Variants in CNTN5 observed in about 807,000 individuals in gnomAD.
The protein encoded by CNTN5 is contactin 5, also known as contactin-5.
In CNTN5, 77 loss-of-function variants were observed where a neutral mutation model predicts 129.1. The ratio of observed to expected loss-of-function variants is 0.60; its 90% CI spans 0.50 to 0.72. The LOEUF (loss-of-function observed/expected upper bound fraction) is 0.72. Among genes scored for constraint, CNTN5 ranks in the 30% least tolerant of loss-of-function variants. CNTN5 has a pLI of 0.00. For synonymous variants in CNTN5, 509 were observed against 465.6 expected (o/e 1.09, Z -1.20); for missense variants, 1,478 against 1,328.8 (o/e 1.11, Z -1.75).
chr11:99,052,960 A>G (rs1864484858), intron 1 of CNTN5, among the ~76,000 whole-genome samples: 1 of 151,518 alleles, frequency 6.6e-6, no homozygotes, highest in Non-Finnish European at 1.5e-5. Flanking sequence ...TTAAAATTTG[A>G]CTCTAGTACA....
chr11:99,925,748 T>A (rs1410408801), intron 7 of CNTN5, among the ~76,000 whole-genome samples: 2 of 152,014 alleles, frequency 1.3e-5, no homozygotes, highest in Non-Finnish European at 2.9e-5. Context: ...TCTAAATACT[T>A]CTTCTTCAAC....
intron 1 of CNTN5, among the ~76,000 whole-genome samples, chr11:99,240,906 C>T (rs7951783): frequency 0.015 from 2,240 of 152,128 alleles, 61 homozygotes; most frequent in African/African-American, 0.051. Context: ...TTTTAACATG[C>T]GTCACTACTG....
intron 3 of CNTN5, among the ~76,000 whole-genome samples, chr11:99,756,249 A>G (rs1189269111): frequency 1.3e-5 from 2 of 152,134 alleles, no homozygotes; most frequent in Non-Finnish European, 1.5e-5. Flanking sequence ...TAGCCTGGGA[A>G]ATAAAGATTG....
chr11:99,209,831 T>A (rs542673012), intron 1 of CNTN5, among the ~76,000 whole-genome samples: 12 of 152,148 alleles, frequency 7.9e-5, no homozygotes, highest in Non-Finnish European at 1.5e-4. Context: ...AACTTCGGAC[T>A]TAGTGCTTCC....
At chr11:99,059,808 G>A (rs1321966006) in intron 1 of CNTN5, among the ~76,000 whole-genome samples, 1 of 151,924 alleles carries the variant, frequency 6.6e-6, no homozygotes, top group Non-Finnish European at 1.5e-5. Context: ...ATATCCCCAA[G>A]GTTTCTTTTG....
rs560309156 is a variant in CNTN5, at chr11:100,329,850, C to T, written c.2731-10613C>T. Among the ~76,000 whole-genome samples the T allele has an allele frequency of 8.0e-4, 122 of 152,270 alleles. No homozygotes were observed. The South Asian group carries it at 0.025, about 31-fold the overall frequency. On this transcript the variant is annotated intron_variant, in intron 21 of 24. Coordinates refer to ENST00000524871, the MANE Select transcript of CNTN5 (RefSeq NM_014361.4). ...GCAACGCTTTAATCCCAGATCTTCC[C>T]TCTAACATAGTCTACCCAAATGAGA... is the stretch of plus-strand genomic sequence containing the variant.
chr11:99,075,677 G>A (rs1431091278), intron 1 of CNTN5, among the ~76,000 whole-genome samples: 3 of 151,484 alleles, frequency 2.0e-5, no homozygotes, highest in Admixed American at 6.6e-5. Flanking sequence ...ATTTAATGTC[G>A]ACTGACAACT....
At chr11:99,112,524 AT>A (rs1420068457) in intron 1 of CNTN5, among the ~76,000 whole-genome samples, 5 of 152,066 alleles carry the variant, frequency 3.3e-5, no homozygotes, top group Non-Finnish European at 7.4e-5. Context: ...TAGATTGTGA[AT>A]GCACACGTTT....
chr11:99,261,317 C>T (rs1862617566), intron 1 of CNTN5, among the ~76,000 whole-genome samples: 1 of 151,922 alleles, frequency 6.6e-6, no homozygotes. Context: ...ACAATATCTT[C>T]ATAAGGGCAA....
chr11:99,749,203 T>TA (rs1365897626), intron 3 of CNTN5, among the ~76,000 whole-genome samples: 1 of 151,842 alleles, frequency 6.6e-6, no homozygotes, highest in Non-Finnish European at 1.5e-5. Context: ...AAATCTAAAA[T>TA]AAAAAATACT....
At chr11:99,827,653 A>G (rs1565577483) in intron 4 of CNTN5, among the ~76,000 whole-genome samples, 1 of 152,222 alleles carries the variant, frequency 6.6e-6, no homozygotes, top group Non-Finnish European at 1.5e-5. Context: ...CAAAGTGTAT[A>G]TCTGTAATAA....
rs575141649 is a variant in CNTN5 at position 99,791,790 on chromosome 11, G to A, written c.56-27754G>A. Among the ~76,000 whole-genome samples, 14 of 152,178 alleles carry A rather than the reference G, an allele frequency of 9.2e-5. 1 individual carries two copies. The East Asian group carries it at 2.7e-3, about 29-fold the overall frequency. ...GTCTTTTCTGATTTCTTAGAGCAGT[G>A]TTTTGTAGTTGCATTTTAGAGATCT... On this transcript the variant is annotated intron_variant, in intron 3 of 24. Transcript: ENST00000524871.
At chr11:99,835,893 ATAT>A (rs1473255703) in intron 4 of CNTN5, among the ~76,000 whole-genome samples, 2 of 152,282 alleles carry the variant, frequency 1.3e-5, no homozygotes, top group South Asian at 4.1e-4. Context: ...AGACTATGTA[ATAT>A]TGTTATAGGA....
intron 1 of CNTN5, among the ~76,000 whole-genome samples, chr11:99,313,219 C>G (rs1011289803): frequency 1.1e-4 from 17 of 151,660 alleles, no homozygotes; most frequent in Admixed American, 9.2e-4. Flanking sequence ...AAGATTACTC[C>G]AGTAAAATAA....
intron 1 of CNTN5, among the ~76,000 whole-genome samples, chr11:99,309,075 T>C (rs1174798056): frequency 3.3e-5 from 5 of 152,190 alleles, no homozygotes; most frequent in Admixed American, 6.5e-5. Flanking sequence ...ATGCTAGTCA[T>C]AGTTATTTTG....
At chr11:100,027,434 C>G (rs372796397) in intron 9 of CNTN5, among the ~76,000 whole-genome samples, 1 of 152,146 alleles carries the variant, frequency 6.6e-6, no homozygotes, top group Non-Finnish European at 1.5e-5. Flanking sequence ...TCTTAGTACT[C>G]GAACAAATGC....
chr11:99,469,510 T>C (rs572729379), intron 2 of CNTN5, among the ~76,000 whole-genome samples: 2 of 152,224 alleles, frequency 1.3e-5, no homozygotes, highest in African/African-American at 4.8e-5. Flanking sequence ...CTTAACTTAC[T>C]GTATAATATT....
At chr11:100,142,593 G>C (rs1413618612) in intron 13 of CNTN5, among the ~76,000 whole-genome samples, 1 of 152,164 alleles carries the variant, frequency 6.6e-6, no homozygotes, top group Non-Finnish European at 1.5e-5. Flanking sequence ...AGCGGTTACT[G>C]TATCAAGTAA....
rs985746251 is a variant in CNTN5 at position 99,334,006 on chromosome 11, G to T, written c.-71+8522G>T. ...CACACACACACACACACAGTGCATTGTATCCTTTTATTAAAAATATAAATT... is the reference window on the plus strand; with the variant it reads ...CACACACACACACACACAGTGCATTTTATCCTTTTATTAAAAATATAAATT... On this transcript the variant is annotated intron_variant, in intron 2 of 24. Transcript: ENST00000524871. Among the ~76,000 whole-genome samples, 4 of 150,650 alleles carry T rather than the reference G, an allele frequency of 2.7e-5. No individual in the cohort carries two copies. The East Asian group carries it at 7.8e-4, about 29-fold the overall frequency.
Sources: gnomAD v4.1 joint callset for allele counts (sites outside exome capture counted in the v4.1 genomes callset) on GRCh38, gnomAD v4.1.1 for gene constraint, MANE v1.5 for transcripts, NCBI Gene and HGNC (gene_info 2026-07-23, HGNC 2026-07-21) for gene names.